The following CADPS variants were observed in gnomAD, a reference collection of about 807,000 sequenced individuals.
The protein encoded by CADPS is calcium-dependent secretion activator 1.
In CADPS, 57 loss-of-function variants were observed where a neutral mutation model predicts 167.3. The ratio of observed to expected loss-of-function variants is 0.34; its 90% CI spans 0.28 to 0.42. CADPS has a LOEUF of 0.42. Among genes scored for constraint, CADPS ranks in the 20% least tolerant of loss-of-function variants. The pLI is 1.00. For synonymous variants in CADPS, 676 were observed against 635.3 expected, an observed-to-expected ratio of 1.06 and a Z score of -0.96; for missense variants, 1,414 against 1,738.1, an observed-to-expected ratio of 0.81 and a Z score of 3.32.
chr3:62,527,769 C>A (rs964752761), intron 13 of CADPS, among the ~76,000 whole-genome samples: 5 of 152,124 alleles, frequency 3.3e-5, no homozygotes, highest in Non-Finnish European at 5.9e-5. Context: ...TAAAAAACAT[C>A]TTTTTACCTA....
intron 24 of CADPS, among the ~76,000 whole-genome samples, chr3:62,466,897 G>A (rs2060001886): frequency 6.6e-6 from 1 of 152,092 alleles, no homozygotes; most frequent in Admixed American, 6.6e-5. Context: ...GGTTCTTTGG[G>A]TTAATACCTC....
intron 8 of CADPS, among the ~76,000 whole-genome samples, chr3:62,583,171 C>CTT (rs1053736749): frequency 2.0e-5 from 3 of 151,040 alleles, no homozygotes; most frequent in African/African-American, 7.3e-5. Context: ...CTCTCTCTCT[C>CTT]TCTCTCTCTC....
chr3:62,477,397 C>T (rs2061465161), intron 23 of CADPS, among the ~76,000 whole-genome samples: 1 of 151,238 alleles, frequency 6.6e-6, no homozygotes, highest in Admixed American at 6.6e-5. Flanking sequence ...TGGGGGTAGA[C>T]AGAGTGATGA....
chr3:62,649,541 G>GTTT (rs1212818484), intron 5 of CADPS, among the ~76,000 whole-genome samples: 8 of 75,006 alleles, frequency 1.1e-4, no homozygotes, highest in African/African-American at 2.4e-4. Flanking sequence ...ACAATATGTG[G>GTTT]TCTTTTTTTT....
intron 1 of CADPS, among the ~76,000 whole-genome samples, chr3:62,862,528 A>T (rs2080997684): frequency 6.6e-6 from 1 of 152,164 alleles, no homozygotes; most frequent in Admixed American, 6.6e-5. Context: ...GTTTTCAGGG[A>T]TTCCTCTGAA....
intron 4 of CADPS, 59 bp from the exon 5 acceptor site, chr3:62,651,139 A>C (rs1255024055): frequency 2.4e-6 from 3 of 1,243,598 alleles, no homozygotes; most frequent in Non-Finnish European, 2.3e-6. Flanking sequence ...ATTTATAAAG[A>C]AGGTCTTTGT....
chr3:62,414,568 T>C (rs2049637925), intron 28 of CADPS, among the ~76,000 whole-genome samples: 1 of 152,214 alleles, frequency 6.6e-6, no homozygotes, highest in African/African-American at 2.4e-5. Flanking sequence ...CTGAGGAGCA[T>C]TTATTCTCCA....
At chr3:62,865,296 T>C (rs1321660895) in intron 1 of CADPS, among the ~76,000 whole-genome samples, 1 of 151,756 alleles carries the variant, frequency 6.6e-6, no homozygotes, top group African/African-American at 2.4e-5. Context: ...CCACTTGGCA[T>C]GTTTGCCAAA....
chr3:62,590,914 G>C (rs557464457), intron 7 of CADPS, among the ~76,000 whole-genome samples: 36 of 152,204 alleles, frequency 2.4e-4, no homozygotes, highest in African/African-American at 8.7e-4. Context: ...GAGTGCAATG[G>C]AGCGATCTTG....
chr3:62,714,338 T>C lies in CADPS; in HGVS notation c.888+39103A>G, dbSNP rs112806798. On this transcript the variant is annotated intron_variant, in intron 3 of 29. Transcript: ENST00000383710. Reference sequence around the variant, plus strand: ...ATTCATTGCTCATTTTCTTCATTTTTGTGACTGGGTACTGTACATGTTTCT... The same window carrying C: ...ATTCATTGCTCATTTTCTTCATTTTCGTGACTGGGTACTGTACATGTTTCT... Among the ~76,000 whole-genome samples, 31 of 152,344 alleles carry C rather than the reference T, an allele frequency of 2.0e-4. 1 individual carries two copies. The highest frequency in any genetic ancestry group is 7.2e-4 in the African/African-American group (30 of 41,578).
intron 3 of CADPS, among the ~76,000 whole-genome samples, chr3:62,697,565 A>T (rs2080563117): frequency 6.6e-6 from 1 of 152,092 alleles, no homozygotes; most frequent in African/African-American, 2.4e-5. Context: ...TGCTATAAAC[A>T]TACGTGTGCA....
At chr3:62,758,366 G>C (rs2084521841) in intron 2 of CADPS, among the ~76,000 whole-genome samples, 1 of 152,190 alleles carries the variant, frequency 6.6e-6, no homozygotes, top group African/African-American at 2.4e-5. Flanking sequence ...GCCAAAGACT[G>C]GGGAGACAGT....
chr3:62,512,001 G>A (rs1299052758), intron 17 of CADPS, among the ~76,000 whole-genome samples: 1 of 152,126 alleles, frequency 6.6e-6, no homozygotes, highest in Non-Finnish European at 1.5e-5. Flanking sequence ...ACTTATTGCA[G>A]CCCTATGCTT....
chr3:62,820,236 C>A (rs536968880), intron 1 of CADPS, among the ~76,000 whole-genome samples: 10 of 152,258 alleles, frequency 6.6e-5, no homozygotes, highest in African/African-American at 2.4e-4. Flanking sequence ...TGAAAATGTA[C>A]AGGTGTATAC....
chr3:62,652,053 G>A (rs2150224582), intron 4 of CADPS, among the ~76,000 whole-genome samples: 1 of 152,246 alleles, frequency 6.6e-6, no homozygotes, highest in Non-Finnish European at 1.5e-5. Flanking sequence ...TCTTGGCTTT[G>A]GTTCCTCTGG....
intron 3 of CADPS, among the ~76,000 whole-genome samples, chr3:62,698,946 G>A (rs572579225): frequency 1.3e-5 from 2 of 151,244 alleles, no homozygotes; most frequent in South Asian, 2.1e-4. Flanking sequence ...TTTGTTTTTT[G>A]TCACTACGGC....
chr3:62,698,374 G>C (rs2080738891), intron 3 of CADPS, among the ~76,000 whole-genome samples: 1 of 152,066 alleles, frequency 6.6e-6, no homozygotes, highest in African/African-American at 2.4e-5. Flanking sequence ...GTGTGACACA[G>C]TTCTTCTGGA....
At chr3:62,742,290 G>A (rs893105154) in intron 3 of CADPS, among the ~76,000 whole-genome samples, 20 of 151,848 alleles carry the variant, frequency 1.3e-4, no homozygotes, top group Admixed American at 5.3e-4. Flanking sequence ...AAATTCATAC[G>A]GAATCAAAAA....
At chr3:62,765,297 G>A (rs2086555272) in intron 2 of CADPS, among the ~76,000 whole-genome samples, 1 of 152,102 alleles carries the variant, frequency 6.6e-6, no homozygotes. Flanking sequence ...AAATTTACCT[G>A]TAATACATAC....
Sources: gnomAD v4.1 joint callset for allele counts (sites outside exome capture counted in the v4.1 genomes callset) on GRCh38, gnomAD v4.1.1 for gene constraint, MANE v1.5 for transcripts, NCBI Gene and HGNC (gene_info 2026-07-23, HGNC 2026-07-21) for gene names.